The following KAZN variants were observed in gnomAD, a reference collection of about 807,000 sequenced individuals.
The protein encoded by KAZN is kazrin.
A neutral mutation model predicts 87.4 loss-of-function variants in KAZN; 40 were observed. That is an observed-to-expected ratio of 0.46 (90% CI 0.36 to 0.60). The LOEUF is 0.60. KAZN is among the 20% of genes least tolerant of loss of function. The probability of loss-of-function intolerance (pLI) is 0.00; values close to 1 mark genes in which losing one functional copy is unlikely to be tolerated. For synonymous variants in KAZN, 466 were observed against 458.3 expected, an observed-to-expected ratio of 1.02 and a Z score of -0.22; for missense variants, 898 against 1,073.9, an observed-to-expected ratio of 0.84 and a Z score of 2.29.
intron 1 of KAZN, among the ~76,000 whole-genome samples, chr1:14,718,183 C>T (rs940481955): frequency 6.6e-6 from 1 of 152,246 alleles, no homozygotes; most frequent in Non-Finnish European, 1.5e-5. Context: ...GCTGTTTGCA[C>T]CACCACTTCA....
At chr1:13,946,483 C>A (rs750893305) in intron 1 of KAZN, among the ~76,000 whole-genome samples, 1 of 152,134 alleles carries the variant, frequency 6.6e-6, no homozygotes, top group African/African-American at 2.4e-5. Flanking sequence ...CTGCCGACAC[C>A]GTGATCAATA....
intron 1 of KAZN, among the ~76,000 whole-genome samples, chr1:14,019,504 A>G (rs952025222): frequency 1.2e-4 from 18 of 152,132 alleles, no homozygotes; most frequent in African/African-American, 4.1e-4. Flanking sequence ...GCTTCTATAT[A>G]TACATCTTAT....
intron 1 of KAZN, among the ~76,000 whole-genome samples, chr1:14,767,239 G>A (rs1644908299): frequency 6.6e-6 from 1 of 152,186 alleles, no homozygotes; most frequent in Non-Finnish European, 1.5e-5. Flanking sequence ...CCTGACAATA[G>A]CAGCCTTCTT....
At chr1:14,491,423 G>A (rs938610161) in intron 2 of KAZN, among the ~76,000 whole-genome samples, 4 of 152,110 alleles carry the variant, frequency 2.6e-5, no homozygotes, top group African/African-American at 7.2e-5. Context: ...GTCTACATTA[G>A]GTATTTCTCC....
chr1:15,037,376 C>T (rs925108501), intron 3 of KAZN, among the ~76,000 whole-genome samples: 45 of 152,300 alleles, frequency 3.0e-4, no homozygotes, highest in African/African-American at 1.0e-3. Flanking sequence ...ACCAGGGTCA[C>T]GCAGGGATTA....
At chr1:14,973,135 C>T (rs1665253493) in intron 2 of KAZN, among the ~76,000 whole-genome samples, 1 of 152,134 alleles carries the variant, frequency 6.6e-6, no homozygotes, top group African/African-American at 2.4e-5. Context: ...CTGTGTCTGA[C>T]ACAGATCCAT....
chr1:14,142,942 C>T (rs898352014), intron 1 of KAZN, among the ~76,000 whole-genome samples: 2 of 152,170 alleles, frequency 1.3e-5, no homozygotes, highest in South Asian at 2.1e-4. Context: ...TCCTGCTGGA[C>T]GGCCACCATG....
intron 2 of KAZN, among the ~76,000 whole-genome samples, chr1:14,585,252 A>G (rs1675784100): frequency 6.6e-6 from 1 of 152,160 alleles, no homozygotes; most frequent in Non-Finnish European, 1.5e-5. Context: ...AAAGTACTAC[A>G]GGCAGGATGG....
Position 14,244,287 on chromosome 1 carries a change from C to T in KAZN, c.249+63695C>T, listed in dbSNP as rs1649287446. Among the ~76,000 whole-genome samples the T allele has an allele frequency of 1.3e-5, 2 of 152,200 alleles. 1 individual carries two copies. The highest frequency in any genetic ancestry group is 4.1e-4 in the South Asian group (2 of 4,832). ...TTCTCATTGAGATATTGCTCAAATG[C>T]CACCTTTCAGAGAAGCCACCTCTGG... On this transcript the variant is annotated intron_variant, in intron 2 of 16. Transcript: ENST00000636203.
intron 2 of KAZN, among the ~76,000 whole-genome samples, chr1:14,205,884 C>CAAAAAAAAAAAAAAAAAAAAAGA (rs1646730461): frequency 2.8e-5 from 1 of 35,220 alleles, no homozygotes; most frequent in Non-Finnish European, 4.4e-5. Context: ...GACACTGTCT[C>CAAAAAAAAAAAAAAAAAAAAAGA]AAAAAAAAAA....
chr1:14,032,694 TG>T (rs1267522161), intron 1 of KAZN, among the ~76,000 whole-genome samples: 1 of 152,200 alleles, frequency 6.6e-6, no homozygotes, highest in East Asian at 1.9e-4. Flanking sequence ...GCTCTTCCAA[TG>T]GACTGTCAAT....
At chr1:14,180,679 C>A in intron 2 of KAZN, 1 of 1,073,306 alleles carries the variant, frequency 9.3e-7, no homozygotes. Flanking sequence ...TGTTCAACTA[C>A]CACACCTATT....
intron 2 of KAZN, among the ~76,000 whole-genome samples, chr1:14,223,661 AT>A (rs1291342762): frequency 3.9e-5 from 6 of 152,370 alleles, no homozygotes; most frequent in African/African-American, 1.4e-4. Flanking sequence ...TTGACAAGAA[AT>A]CCTGCATAAA....
chr1:14,101,085 CT>C (rs1644239867), intron 1 of KAZN, among the ~76,000 whole-genome samples: 1 of 152,140 alleles, frequency 6.6e-6, no homozygotes, highest in African/African-American at 2.4e-5. Context: ...ATTACCCGGT[CT>C]CGGGTATTTA....
At chr1:14,767,093 G>A (rs1029300765) in intron 1 of KAZN, among the ~76,000 whole-genome samples, 9 of 152,142 alleles carry the variant, frequency 5.9e-5, no homozygotes, top group African/African-American at 9.7e-5. Context: ...GAATGGGTAC[G>A]CTTTCTGTGT....
intron 2 of KAZN, among the ~76,000 whole-genome samples, chr1:14,293,846 G>A (rs1473423882): frequency 1.3e-5 from 2 of 152,096 alleles, no homozygotes; most frequent in African/African-American, 4.8e-5. Context: ...TCCCCAAGGT[G>A]GTTAGCCTTT....
rs1663775458 is a variant in KAZN, at chr1:14,960,881, T to A, written c.418+6T>A. On this transcript the variant is annotated splice_donor_region_variant and intron_variant, in intron 2 of 14. Transcript: ENST00000376030. ...AGCCAAAGAAGCCTTGCAGGGTGAG[T>A]GACGAGTCAGCAGCAGTTCCTTCGC... is the stretch of plus-strand genomic sequence containing the variant. The A allele has an allele frequency of 1.3e-6, 2 of 1,596,646 alleles. No homozygotes were observed. Among genetic ancestry groups the A allele is most frequent in the South Asian group, 1.1e-5 (1 of 89,968 alleles).
chr1:14,864,921 A>G (rs1201226034), intron 1 of KAZN, among the ~76,000 whole-genome samples: 2 of 152,204 alleles, frequency 1.3e-5, no homozygotes, highest in African/African-American at 4.8e-5. Flanking sequence ...TACTGCATGA[A>G]AAAAGCTCAG....
intron 8 of KAZN, among the ~76,000 whole-genome samples, chr1:15,082,118 T>A (rs1640031697): frequency 6.6e-6 from 1 of 151,960 alleles, no homozygotes; most frequent in African/African-American, 2.4e-5. Flanking sequence ...CTCACCAAGC[T>A]CACTGCCTCA....
Sources: gnomAD v4.1 joint callset for allele counts (sites outside exome capture counted in the v4.1 genomes callset) on GRCh38, gnomAD v4.1.1 for gene constraint, MANE v1.5 for transcripts, NCBI Gene and HGNC (gene_info 2026-07-23, HGNC 2026-07-21) for gene names.